ATP8A1: variants seen among roughly 807,000 people sequenced by gnomAD.
The protein encoded by ATP8A1 is ATPase phospholipid transporting 8A1.
Under a neutral mutation model 177.7 loss-of-function variants are expected in ATP8A1, and 90 were observed. The ratio of observed to expected loss-of-function variants is 0.51; its 90% CI spans 0.43 to 0.60. The LOEUF (loss-of-function observed/expected upper bound fraction) is 0.60. Ranked by LOEUF, ATP8A1 falls within the 20% of genes least tolerant of loss-of-function variation. The pLI is 0.00. For synonymous variants in ATP8A1, 493 were observed against 485.9 expected, an observed-to-expected ratio of 1.01 and a Z score of -0.19; for missense variants, 1,072 against 1,392.8, an observed-to-expected ratio of 0.77 and a Z score of 3.67.
chr4:42,600,618 A>T, intron 5 of ATP8A1, 100 bp from the exon 6 acceptor site: 1 of 1,044,074 alleles, frequency 9.6e-7, no homozygotes, highest in Non-Finnish European at 1.4e-6. Context: ...CAGTCAAAAT[A>T]ACTAGTAGCA....
chr4:42,516,943 A>T (rs1451306249), intron 22 of ATP8A1, among the ~76,000 whole-genome samples: 1 of 152,242 alleles, frequency 6.6e-6, no homozygotes, highest in Admixed American at 6.5e-5. Context: ...CAATGAAACA[A>T]GGAACTTCAT....
intron 14 of ATP8A1, among the ~76,000 whole-genome samples, chr4:42,571,223 C>A (rs1017912285): frequency 6.6e-6 from 1 of 152,032 alleles, no homozygotes; most frequent in Non-Finnish European, 1.5e-5. Context: ...AGTAGCCGAT[C>A]CTTCCAGCAA....
intron 14 of ATP8A1, among the ~76,000 whole-genome samples, chr4:42,570,154 T>A (rs528053777): frequency 6.6e-6 from 1 of 152,318 alleles, no homozygotes; most frequent in African/African-American, 2.4e-5. Flanking sequence ...AGGGACTTCA[T>A]CATTCCAAGG....
intron 15 of ATP8A1, among the ~76,000 whole-genome samples, chr4:42,557,826 T>C (rs896803461): frequency 7.9e-5 from 12 of 152,268 alleles, no homozygotes; most frequent in African/African-American, 2.9e-4. Flanking sequence ...ACAGATCACC[T>C]GAGGTCAGGA....
At chr4:42,549,551 G>C (rs1729281663) in intron 18 of ATP8A1, among the ~76,000 whole-genome samples, 1 of 152,290 alleles carries the variant, frequency 6.6e-6, no homozygotes, top group East Asian at 1.9e-4. Context: ...TGCTTTGGGA[G>C]GCTGAGGTGG....
At chr4:42,644,942 CTATT>C (rs1346433200) in intron 1 of ATP8A1, among the ~76,000 whole-genome samples, 1 of 150,604 alleles carries the variant, frequency 6.6e-6, no homozygotes, top group Admixed American at 6.6e-5. Flanking sequence ...AGTCATTATG[CTATT>C]TTTTTCAGCT....
intron 17 of ATP8A1, among the ~76,000 whole-genome samples, chr4:42,552,227 TTA>T (rs1363495463): frequency 2.0e-5 from 3 of 152,204 alleles, no homozygotes; most frequent in African/African-American, 7.2e-5. Context: ...CGAAAAATTA[TTA>T]TGTGTATGTA....
intron 5 of ATP8A1, among the ~76,000 whole-genome samples, chr4:42,601,183 GCAC>G (rs538519998): frequency 8.9e-4 from 136 of 151,986 alleles, no homozygotes; most frequent in African/African-American, 3.1e-3. Context: ...CTACAGGCAT[GCAC>G]CACCATGTGT....
At chr4:42,595,396 G>C (rs1007091728) in intron 6 of ATP8A1, among the ~76,000 whole-genome samples, 7 of 152,088 alleles carry the variant, frequency 4.6e-5, no homozygotes, top group African/African-American at 1.7e-4. Flanking sequence ...CAGGGGTATT[G>C]TCTTTTTATT....
chr4:42,540,231 T>G (rs1728248839), intron 20 of ATP8A1, among the ~76,000 whole-genome samples: 1 of 152,140 alleles, frequency 6.6e-6, no homozygotes, highest in Non-Finnish European at 1.5e-5. Context: ...CACAATGAGA[T>G]GTATCTTACC....
At chr4:42,420,175 T>C (rs1713727125) in intron 35 of ATP8A1, among the ~76,000 whole-genome samples, 1 of 152,188 alleles carries the variant, frequency 6.6e-6, no homozygotes, top group African/African-American at 2.4e-5. Context: ...CAGTTGCTAT[T>C]TTTCTCCTTT....
intron 25 of ATP8A1, among the ~76,000 whole-genome samples, chr4:42,466,031 CAAAAAAAAAAA>C (rs57949092): frequency 0.043 from 4,662 of 108,094 alleles, 260 homozygotes; most frequent in African/African-American, 0.15. Context: ...GACTCCGTCT[CAAAAAAAAAAA>C]AAAAAAAAAA....
chr4:42,549,640 A>T (rs12331179), intron 18 of ATP8A1, among the ~76,000 whole-genome samples: 63,865 of 151,624 alleles, frequency 0.42, 14,234 homozygotes, highest in African/African-American at 0.57. Context: ...AAAATAAATT[A>T]AAAAAAATAT....
rs10029831 is a variant in ATP8A1 at position 42,643,633 on chromosome 4, C to A, written c.49+13192G>T. On this transcript the variant is annotated intron_variant, in intron 1 of 36. Coordinates refer to ENST00000381668, the MANE Select transcript of ATP8A1 (RefSeq NM_006095.2). ...CACTATCATTTCTCCTTGTTTCAAC[C>A]CTTACCCCCAAGATGAAATCAGAAT... Among the ~76,000 whole-genome samples, 6 of 152,188 alleles carry A rather than the reference C, an allele frequency of 3.9e-5. No homozygotes were observed. In the East Asian group the frequency reaches 1.2e-3, roughly 29 times the overall value.
rs556552710 is a variant in ATP8A1 at position 42,471,738 on chromosome 4, G to A, written c.2325-6662C>T. On this transcript the variant is annotated intron_variant, in intron 25 of 36. Transcript: ENST00000381668. ...ATCTAGTTATATTGAACCTAGCACT[G>A]TACTCAGCACAAGGCAGAATTAAAA... 9.1e-5 allele frequency: 34 copies of A among 373,284 alleles called. No individual in the cohort carries two copies. In the East Asian group the frequency reaches 2.1e-3, roughly 23 times the overall value. 23.1% of individuals were successfully genotyped at this position (373,284 alleles called of 1,614,324 possible). A position where few individuals can be genotyped will look rare whatever the true frequency, so the allele number is the denominator to read the frequency against.
At position 42,510,977 on chromosome 4, in the gene ATP8A1, A is replaced by T. The variant is rs114405688; in HGVS notation, c.1948-3823T>A. Among the ~76,000 whole-genome samples, 1,191 of 152,340 alleles carry T rather than the reference A, an allele frequency of 7.8e-3. 11 individuals carry two copies. Among genetic ancestry groups the T allele is most frequent in the African/African-American group, 0.027 (1,141 of 41,574 alleles). ...GAGTGTTGTGGTGGCTTTAACACAA[A>T]TCCTTAAGAAGAATAATAAAACATT... On this transcript the variant is annotated intron_variant, in intron 22 of 36. Coordinates refer to ENST00000381668, the MANE Select transcript of ATP8A1 (RefSeq NM_006095.2).
At chr4:42,500,411 A>AAAAC (rs1723744613) in intron 24 of ATP8A1, among the ~76,000 whole-genome samples, 1 of 146,148 alleles carries the variant, frequency 6.8e-6, no homozygotes, top group African/African-American at 2.5e-5. Context: ...AAAACAAAAC[A>AAAAC]AAAACAGAAA....
intron 24 of ATP8A1, among the ~76,000 whole-genome samples, chr4:42,501,435 ACTGTGCTCTTCACC>A (rs1182662896): frequency 6.6e-6 from 1 of 152,224 alleles, no homozygotes; most frequent in Non-Finnish European, 1.5e-5. Context: ...TTGGGACAGA[ACTGTGCTCTTCACC>A]CTGTGCTATT....
chr4:42,424,633 A>G (rs1257489662), intron 33 of ATP8A1, among the ~76,000 whole-genome samples: 1 of 152,252 alleles, frequency 6.6e-6, no homozygotes, highest in African/African-American at 2.4e-5. Flanking sequence ...AAAATTACAC[A>G]TAAATAGTCC....
Sources: gnomAD v4.1 joint callset for allele counts (sites outside exome capture counted in the v4.1 genomes callset) on GRCh38, gnomAD v4.1.1 for gene constraint, MANE v1.5 for transcripts, NCBI Gene and HGNC (gene_info 2026-07-23, HGNC 2026-07-21) for gene names.